Variants in COL22A1 observed in about 807,000 individuals in gnomAD.
COL22A1 encodes the protein collagen type XXII alpha 1 chain.
A neutral mutation model predicts 248.9 loss-of-function variants in COL22A1; 221 were observed. The ratio of observed to expected loss-of-function variants is 0.89; its 90% confidence interval spans 0.80 to 0.99. The LOEUF is 0.99. Ranked by LOEUF, COL22A1 falls within the 50% of genes least tolerant of loss-of-function variation. The pLI, the probability that COL22A1 is intolerant of heterozygous loss-of-function variation, is 0.00. For missense variants in COL22A1, 2,240 were observed against 2,179.0 expected (o/e 1.03, Z -0.56); for synonymous variants, 891 against 793.4 (o/e 1.12, Z -2.07).
intron 4 of COL22A1, among the ~76,000 whole-genome samples, chr8:138,842,923 A>T (rs1820992898): frequency 6.6e-6 from 1 of 152,150 alleles, no homozygotes; most frequent in African/African-American, 2.4e-5. Context: ...TTGAGCAGGG[A>T]GTAGAGGCAG....
intron 1 of COL22A1, among the ~76,000 whole-genome samples, chr8:138,902,506 C>T (rs189857178): frequency 6.6e-6 from 1 of 151,746 alleles, no homozygotes. Flanking sequence ...GACCATCCTG[C>T]CTAACATGGT....
At chr8:138,708,957 C>T (rs996400464) in intron 30 of COL22A1, among the ~76,000 whole-genome samples, 12 of 152,072 alleles carry the variant, frequency 7.9e-5, no homozygotes, top group African/African-American at 2.7e-4. Context: ...AATCAAAAAA[C>T]CCCATCAAAA....
In COL22A1 at chr8:138,589,223, C is replaced by T. The variant is rs760937152; in HGVS notation, c.*30G>A. ...GCTCTGAGTTCAAGTTTCAGAAATC[C>T]ACTGCAGTCTTCTGGCTTTCCAGAG... On this transcript the variant is annotated 3_prime_UTR_variant, in exon 65 of 65. Coordinates refer to ENST00000303045, the MANE Select transcript of COL22A1 (RefSeq NM_152888.3). 7 of 1,606,716 alleles carry T rather than the reference C, an allele frequency of 4.4e-6. No individual in the cohort carries two copies. The African/African-American group carries it at 8.1e-5, about 19-fold the overall frequency.
chr8:138,910,919 C>T (rs987025206), intron 1 of COL22A1, among the ~76,000 whole-genome samples: 2 of 152,174 alleles, frequency 1.3e-5, no homozygotes, highest in East Asian at 3.8e-4. Flanking sequence ...ACCACACCAC[C>T]CATGTTGACC....
intron 30 of COL22A1, among the ~76,000 whole-genome samples, chr8:138,706,964 G>A (rs902706255): frequency 5.9e-5 from 9 of 152,182 alleles, no homozygotes; most frequent in African/African-American, 1.4e-4. Flanking sequence ...TATCACCACC[G>A]ATCGCACAGA....
At chr8:138,654,488 C>A (rs1425469975) in intron 45 of COL22A1, among the ~76,000 whole-genome samples, 1 of 152,148 alleles carries the variant, frequency 6.6e-6, no homozygotes, top group Non-Finnish European at 1.5e-5. Flanking sequence ...CCTCTCTTGG[C>A]TTCATGTATG....
intron 3 of COL22A1, among the ~76,000 whole-genome samples, chr8:138,872,641 C>T (rs1433847144): frequency 6.6e-6 from 1 of 152,218 alleles, no homozygotes; most frequent in Non-Finnish European, 1.5e-5. Context: ...TTGTCCTCGG[C>T]CTCCGCCCCA....
At chr8:138,877,194 A>G (rs1284606037) in intron 3 of COL22A1, among the ~76,000 whole-genome samples, 1 of 152,046 alleles carries the variant, frequency 6.6e-6, no homozygotes. Flanking sequence ...CCAGGTCAAC[A>G]GCACTTGGCC....
chr8:138,594,203 T>A lies in COL22A1; in HGVS notation c.4433-4A>T. On this transcript the variant is annotated splice_polypyrimidine_tract_variant and splice_region_variant and intron_variant, in intron 62 of 64. Coordinates refer to ENST00000303045, the MANE Select transcript of COL22A1 (RefSeq NM_152888.3). ...GCCAGGAGGTAGGCGAGTCTGGCTG[T>A]AAAGTAGAAAAAGAGAGGCATTTCA... 1.9e-6 allele frequency: 3 copies of A among 1,564,970 alleles called. No individual in the cohort carries two copies. Among genetic ancestry groups the A allele is most frequent in the Non-Finnish European group, 2.6e-6 (3 of 1,162,332 alleles).
intron 12 of COL22A1, among the ~76,000 whole-genome samples, chr8:138,796,264 G>T (rs1816510984): frequency 6.6e-6 from 1 of 151,972 alleles, no homozygotes; most frequent in African/African-American, 2.4e-5. Context: ...GGTGCAACAT[G>T]CATAGCTGGG....
chr8:138,796,713 C>T lies in COL22A1; in HGVS notation c.1596+106G>A. The T allele has an allele frequency of 3.7e-6, 3 of 818,550 alleles. No individual in the cohort carries two copies. In the South Asian group the frequency reaches 4.3e-5, roughly 12 times the overall value. The allele number at this position is 818,550 out of a possible 1,614,324, so 50.7% of individuals were successfully genotyped here. ...CACAGCCCAGGACACCTCTTTTCCC[C>T]CACTCGAATTCTTTCCAGGCAACAT... On this transcript the variant is annotated intron_variant, in intron 12 of 64. Transcript: ENST00000303045.
chr8:138,639,460 T>C (rs1043760901), intron 47 of COL22A1, among the ~76,000 whole-genome samples: 1 of 152,180 alleles, frequency 6.6e-6, no homozygotes, highest in African/African-American at 2.4e-5. Flanking sequence ...ACACTGGATA[T>C]ATAACAATCA....
intron 37 of COL22A1, among the ~76,000 whole-genome samples, chr8:138,685,579 T>C (rs1273230475): frequency 4.6e-5 from 7 of 152,118 alleles, no homozygotes; most frequent in Non-Finnish European, 1.0e-4. Flanking sequence ...CATACTGGAG[T>C]GTGACCCTCC....
rs761915984 is a variant in COL22A1 at position 138,589,411 on chromosome 8, CT to C, written c.4722del (p.Asp1575MetfsTer49). On this transcript the variant is annotated frameshift_variant, in exon 65 of 65. Transcript: ENST00000303045. LOFTEE classifies it high-confidence loss of function. ...PGQPGEPGYAKDGLPGIPGPQ... is the reference protein window; with the variant it reads ...PGQPGEPGYAXDGLPGIPGPQ... ...GGGCCAGGGATCCCAGGAAGTCCAT[CT>C]TTAGCATAGCCAGGTTCCCCGGGTT... 6.3e-7 allele frequency: 1 copy of C among 1,584,436 alleles called. No homozygotes were observed. Among genetic ancestry groups the C allele is most frequent in the Non-Finnish European group, 8.6e-7 (1 of 1,166,516 alleles).
intron 1 of COL22A1, among the ~76,000 whole-genome samples, chr8:138,884,082 A>T (rs1165554814): frequency 2.0e-5 from 3 of 152,070 alleles, no homozygotes; most frequent in Non-Finnish European, 2.9e-5. Flanking sequence ...CCCCCCTGGG[A>T]GGGCTTCCCT....
intron 53 of COL22A1, 26 bp downstream of exon 53, chr8:138,619,429 G>T: frequency 6.2e-7 from 1 of 1,610,746 alleles, no homozygotes; most frequent in Non-Finnish European, 8.5e-7. Context: ...TGGTTCTACC[G>T]TTCCCCACAC....
At position 138,703,331 on chromosome 8, in the gene COL22A1, G is replaced by A. The variant is rs139730163; in HGVS notation, c.2534C>T (p.Ala845Val). Reference sequence around the variant, plus strand: ...AGTTCCAGGTAACCCGGGAGGGCCTGCAGGACCAGCTTCACCCTAGATGGA... The same window carrying A: ...AGTTCCAGGTAACCCGGGAGGGCCTACAGGACCAGCTTCACCCTAGATGGA... ...DRGEKGEAGP[A>V]GPPGLPGTTS... is the part of the protein sequence containing the mutation. Residue 845 changes from alanine to valine, a missense_variant, in exon 31 of 65, where the codon GCA (alanine) becomes GTA (valine). Transcript: ENST00000303045. 1.9e-6 allele frequency: 3 copies of A among 1,613,600 alleles called. No individual in the cohort carries two copies. The highest frequency in any genetic ancestry group is 2.7e-5 in the African/African-American group (2 of 74,890).
chr8:138,790,258 C>T (rs1815912136), intron 12 of COL22A1, among the ~76,000 whole-genome samples: 1 of 152,288 alleles, frequency 6.6e-6, no homozygotes, highest in African/African-American at 2.4e-5. Flanking sequence ...GTGAAAAGGA[C>T]AAACGGGCTC....
At chr8:138,821,855 AG>A (rs1819165762) in intron 6 of COL22A1, among the ~76,000 whole-genome samples, 2 of 152,120 alleles carry the variant, frequency 1.3e-5, no homozygotes, top group African/African-American at 4.8e-5. Context: ...AAATATCTTC[AG>A]GCCTGATCTA....
Sources: gnomAD v4.1 joint callset for allele counts (sites outside exome capture counted in the v4.1 genomes callset) on GRCh38, gnomAD v4.1.1 for gene constraint, MANE v1.5 for transcripts, NCBI Gene and HGNC (gene_info 2026-07-23, HGNC 2026-07-21) for gene names.